The following SPIDR variants were observed in gnomAD, a reference collection of about 807,000 sequenced individuals.
SPIDR encodes the protein scaffold protein involved in DNA repair, also known as DNA repair-scaffolding protein.
Under a neutral mutation model 104.6 loss-of-function variants are expected in SPIDR, and 93 were observed. The ratio of observed to expected loss-of-function variants is 0.89; its 90% CI spans 0.75 to 1.06. SPIDR has a LOEUF of 1.06. Ranked by LOEUF, SPIDR falls within the 50% of genes least tolerant of loss-of-function variation. The pLI is 0.00. For synonymous variants in SPIDR, 431 were observed against 416.9 expected (o/e 1.03, Z -0.41); for missense variants, 1,154 against 1,111.2 (o/e 1.04, Z -0.55).
At chr8:47,511,599 T>C in intron 8 of SPIDR, 1 of 785,844 alleles carries the variant, frequency 1.3e-6, no homozygotes, top group Non-Finnish European at 2.3e-6. Flanking sequence ...GTTTCAGTAC[T>C]ACATGAACAT....
chr8:47,694,170 G>A (rs912904832), intron 11 of SPIDR, among the ~76,000 whole-genome samples: 4 of 152,226 alleles, frequency 2.6e-5, no homozygotes, highest in Non-Finnish European at 4.4e-5. Context: ...CAATGAATGG[G>A]AATTTACCTT....
At chr8:47,473,883 A>G (rs2075999955) in intron 8 of SPIDR, among the ~76,000 whole-genome samples, 1 of 152,154 alleles carries the variant, frequency 6.6e-6, no homozygotes, top group South Asian at 2.1e-4. Flanking sequence ...GAATCATCCT[A>G]CCCCAGCTAA....
chr8:47,272,623 T>C (rs375561607), intron 1 of SPIDR, among the ~76,000 whole-genome samples: 3,926 of 152,282 alleles, frequency 0.026, 62 homozygotes, highest in Middle Eastern at 0.041. Flanking sequence ...GGGCAGCGCC[T>C]CGAGATGATC....
chr8:47,306,176 C>G (rs994740650), intron 5 of SPIDR, among the ~76,000 whole-genome samples: 1 of 152,164 alleles, frequency 6.6e-6, no homozygotes, highest in African/African-American at 2.4e-5. Flanking sequence ...GAGTCTCACT[C>G]TGTTGGCCAG....
At chr8:47,536,390 G>C (rs1419642923) in intron 8 of SPIDR, among the ~76,000 whole-genome samples, 1 of 152,024 alleles carries the variant, frequency 6.6e-6, no homozygotes, top group East Asian at 1.9e-4. Context: ...CAAGAATTAT[G>C]GTAAGTAATC....
intron 5 of SPIDR, among the ~76,000 whole-genome samples, chr8:47,315,835 C>T (rs1433965571): frequency 6.6e-6 from 1 of 152,100 alleles, no homozygotes; most frequent in Admixed American, 6.5e-5. Flanking sequence ...GACTCCCTAC[C>T]TCACATGGTA....
intron 7 of SPIDR, among the ~76,000 whole-genome samples, chr8:47,425,349 G>C (rs1445769639): frequency 6.6e-6 from 1 of 152,096 alleles, no homozygotes; most frequent in Non-Finnish European, 1.5e-5. Context: ...GCAAGATCTG[G>C]TCACTGCACC....
intron 8 of SPIDR, among the ~76,000 whole-genome samples, chr8:47,480,827 T>C (rs1045848260): frequency 3.3e-5 from 5 of 152,218 alleles, no homozygotes; most frequent in Admixed American, 3.3e-4. Flanking sequence ...TTCATTCCTT[T>C]ATAATGATTA....
At chr8:47,651,339 A>G (rs1181831469) in intron 10 of SPIDR, among the ~76,000 whole-genome samples, 3 of 152,186 alleles carry the variant, frequency 2.0e-5, no homozygotes, top group Admixed American at 6.5e-5. Context: ...GCCAACAAAC[A>G]TGAAAAAATG....
At chr8:47,576,528 G>A (rs1460546825) in intron 8 of SPIDR, among the ~76,000 whole-genome samples, 1 of 152,036 alleles carries the variant, frequency 6.6e-6, no homozygotes, top group Non-Finnish European at 1.5e-5. Context: ...GTGCCTCCCA[G>A]GTTCAAACTA....
At chr8:47,420,231 T>A (rs1554678999) in intron 7 of SPIDR, among the ~76,000 whole-genome samples, 1 of 152,168 alleles carries the variant, frequency 6.6e-6, no homozygotes, top group African/African-American at 2.4e-5. Context: ...AGCCTCCCAT[T>A]ATTATTGTGT....
At chr8:47,345,034 G>C (rs1275719052) in intron 5 of SPIDR, among the ~76,000 whole-genome samples, 7 of 152,262 alleles carry the variant, frequency 4.6e-5, no homozygotes, top group African/African-American at 9.6e-5. Flanking sequence ...TGAAGTCCTT[G>C]CCCATGCCTA....
At chr8:47,521,913 C>T (rs976800425) in intron 8 of SPIDR, among the ~76,000 whole-genome samples, 4 of 151,572 alleles carry the variant, frequency 2.6e-5, no homozygotes, top group Non-Finnish European at 5.9e-5. Flanking sequence ...CCTATAATCC[C>T]AGCACTTGGG....
At chr8:47,491,279 G>T (rs1409579722) in intron 8 of SPIDR, among the ~76,000 whole-genome samples, 2 of 151,440 alleles carry the variant, frequency 1.3e-5, no homozygotes, top group African/African-American at 4.8e-5. Flanking sequence ...AATTAAAAAT[G>T]ACTAAATATT....
chr8:47,670,478 C>A (rs2075646016), intron 10 of SPIDR, among the ~76,000 whole-genome samples: 1 of 152,104 alleles, frequency 6.6e-6, no homozygotes, highest in South Asian at 2.1e-4. Context: ...AGCCAAACTG[C>A]CCATAAAGTT....
chr8:47,310,971 C>T (rs1446478724), intron 5 of SPIDR, among the ~76,000 whole-genome samples: 12 of 152,076 alleles, frequency 7.9e-5, no homozygotes, highest in Non-Finnish European at 1.5e-4. Flanking sequence ...AAATGTGACC[C>T]ATACTTAAGT....
chr8:47,698,207 C>G (rs908609836), intron 11 of SPIDR, among the ~76,000 whole-genome samples: 1 of 151,844 alleles, frequency 6.6e-6, no homozygotes, highest in Non-Finnish European at 1.5e-5. Context: ...ATGGTGGCCA[C>G]TCCCCTGTCA....
chr8:47,474,089 C>G (rs1021982859), intron 8 of SPIDR, among the ~76,000 whole-genome samples: 2 of 152,226 alleles, frequency 1.3e-5, no homozygotes, highest in Admixed American at 1.3e-4. Flanking sequence ...TCTTTCCAAC[C>G]TGTGTGATCA....
At chr8:47,701,415 G>A (rs905829023) in intron 12 of SPIDR, among the ~76,000 whole-genome samples, 1 of 152,116 alleles carries the variant, frequency 6.6e-6, no homozygotes, top group African/African-American at 2.4e-5. Context: ...CAACGAGAGT[G>A]CAACTCTGTC....
Sources: allele counts gnomAD v4.1 joint callset (sites outside exome capture counted in the v4.1 genomes callset), GRCh38; gene constraint gnomAD v4.1.1; transcripts MANE v1.5; gene names NCBI Gene and HGNC (gene_info 2026-07-23, HGNC 2026-07-21).